GLG1: variants seen among roughly 807,000 people sequenced by gnomAD.
The protein encoded by GLG1 is Golgi apparatus protein 1.
A neutral mutation model predicts 160.5 loss-of-function variants in GLG1; 38 were observed. The ratio of observed to expected loss-of-function variants is 0.24; its 90% CI spans 0.18 to 0.31. GLG1 has a LOEUF of 0.31. Ranked by LOEUF, GLG1 falls within the 10% of genes least tolerant of loss-of-function variation. The pLI is 1.00. For missense variants in GLG1, 1,373 were observed against 1,505.2 expected, an observed-to-expected ratio of 0.91 and a Z score of 1.45; for synonymous variants, 644 against 543.4, an observed-to-expected ratio of 1.19 and a Z score of -2.57.
intron 1 of GLG1, among the ~76,000 whole-genome samples, chr16:74,545,475 G>A (rs1265026966): frequency 6.6e-6 from 1 of 152,128 alleles, no homozygotes; most frequent in African/African-American, 2.4e-5. Context: ...GCCACACCAT[G>A]CCTGACCCAC....
rs11421713 is a variant in GLG1, at chr16:74,473,437, C to CTTTT, written c.2053-1030_2053-1027dup. Among the ~76,000 whole-genome samples the CTTTT allele has an allele frequency of 1.9e-3, 211 of 110,972 alleles. 12 individuals are homozygous for CTTTT. Among genetic ancestry groups the CTTTT allele is most frequent in the Middle Eastern group, 0.013 (2 of 160 alleles). 72.8% of individuals were successfully genotyped at this position (110,972 alleles called of 152,430 possible). On this transcript the variant is annotated intron_variant, in intron 13 of 25. Transcript: ENST00000422840. ...CCATGTTGGCCAGGATGGTCTTGAC[C>CTTTT]TTTTTTTTTTTTTTTTTTGAGACAT...
chr16:74,530,135 C>G (rs1276213071), intron 2 of GLG1, among the ~76,000 whole-genome samples: 5 of 152,040 alleles, frequency 3.3e-5, no homozygotes, highest in Admixed American at 2.6e-4. Context: ...CACACATCAA[C>G]TTTTTTCTGG....
In GLG1 at chr16:74,452,362, C is replaced by A. The variant is rs2062395610; in HGVS notation, c.*805G>T. 7.4e-7 allele frequency: 1 copy of A among 1,356,378 alleles called. No individual in the cohort carries two copies. Among genetic ancestry groups the A allele is most frequent in the Middle Eastern group, 2.9e-4 (1 of 3,484 alleles). 84.0% of individuals were successfully genotyped at this position (1,356,378 alleles called of 1,614,324 possible). A position where few individuals can be genotyped will look rare whatever the true frequency, so the allele number is the denominator to read the frequency against. ...TGCTGCCCCGGGACTCAGGATCCAG[C>A]CTCTCAGTGCAGATGGATGGACTGT... On this transcript the variant is annotated 3_prime_UTR_variant, in exon 26 of 26. Coordinates refer to ENST00000422840, the MANE Select transcript of GLG1 (RefSeq NM_001145667.2).
intron 1 of GLG1, among the ~76,000 whole-genome samples, chr16:74,563,645 T>C (rs1358244955): frequency 6.7e-6 from 1 of 148,564 alleles, no homozygotes; most frequent in East Asian, 2.0e-4. Flanking sequence ...GAGAACTGCT[T>C]GAACCCAGGA....
At chr16:74,582,300 G>C (rs185236725) in intron 1 of GLG1, among the ~76,000 whole-genome samples, 20 of 152,018 alleles carry the variant, frequency 1.3e-4, no homozygotes, top group Admixed American at 1.3e-3. Context: ...CCAAGTAGCT[G>C]GGATTTTAGG....
rs2016492691 is a variant in GLG1 at position 74,503,569 on chromosome 16, T to C, written c.736A>G (p.Asn246Asp). Residue 246 changes from asparagine to aspartate, a missense_variant, in exon 4 of 26, where the codon AAC becomes GAC. Physicochemically the swap from Asn to Asp is conservative, Grantham distance 23. This residue lies in a region of GLG1 where 174 missense variants were observed against 229.9 expected (regional missense o/e 0.76). Transcript: ENST00000422840. ...GFMDDCKNDI[N>D]ILKCGSIRLG... ...CGAATACTGCCACATTTCAGAATGT[T>C]GATGTCATTTTTGCAGTCATCCATG... 1.2e-6 allele frequency: 2 copies of C among 1,613,678 alleles called. No homozygotes were observed. Among genetic ancestry groups the C allele is most frequent in the East Asian group, 2.2e-5 (1 of 44,868 alleles).
At chr16:74,561,162 G>A (rs938493650) in intron 1 of GLG1, among the ~76,000 whole-genome samples, 1 of 151,720 alleles carries the variant, frequency 6.6e-6, no homozygotes, top group South Asian at 2.1e-4. Flanking sequence ...CCTCCTGCTG[G>A]TGTCAGAGCT....
At chr16:74,487,486 G>C (rs1597255624) in intron 8 of GLG1, among the ~76,000 whole-genome samples, 1 of 152,142 alleles carries the variant, frequency 6.6e-6, no homozygotes, top group East Asian at 1.9e-4. Context: ...ATCCAGAAGA[G>C]AGAAACATGA....
intron 4 of GLG1, among the ~76,000 whole-genome samples, chr16:74,502,590 C>A (rs2016445572): frequency 6.6e-6 from 1 of 151,736 alleles, no homozygotes; most frequent in Non-Finnish European, 1.5e-5. Flanking sequence ...GTCTCCCAGG[C>A]TGGAGTGCAG....
intron 2 of GLG1, among the ~76,000 whole-genome samples, chr16:74,510,504 T>C (rs1243111356): frequency 1.3e-5 from 2 of 152,172 alleles, no homozygotes; most frequent in Non-Finnish European, 2.9e-5. Context: ...AATTGTTCAG[T>C]TGGTGAGATA....
intron 1 of GLG1, among the ~76,000 whole-genome samples, chr16:74,579,883 T>A (rs62051918): frequency 2.0e-5 from 3 of 151,092 alleles, no homozygotes; most frequent in Admixed American, 2.0e-4. Context: ...GCCAACATGG[T>A]GAAACCCCGT....
intron 4 of GLG1, among the ~76,000 whole-genome samples, chr16:74,497,980 C>A (rs1020960563): frequency 6.6e-6 from 1 of 152,216 alleles, no homozygotes; most frequent in East Asian, 1.9e-4. Flanking sequence ...TAATTGTACA[C>A]TTCATCATCC....
At chr16:74,572,283 G>A (rs938101229) in intron 1 of GLG1, among the ~76,000 whole-genome samples, 1 of 152,128 alleles carries the variant, frequency 6.6e-6, no homozygotes, top group Non-Finnish European at 1.5e-5. Flanking sequence ...GGCCGAAATG[G>A]GTGGATCACC....
intron 1 of GLG1, among the ~76,000 whole-genome samples, chr16:74,573,680 G>C (rs933876962): frequency 6.8e-6 from 1 of 147,738 alleles, no homozygotes; most frequent in African/African-American, 2.5e-5. Context: ...TGGGACTACA[G>C]TCGCACACTA....
chr16:74,573,811 T>C (rs1456439135), intron 1 of GLG1, among the ~76,000 whole-genome samples: 9 of 151,552 alleles, frequency 5.9e-5, no homozygotes, highest in Admixed American at 4.0e-4. Flanking sequence ...TTTTTTTTTT[T>C]TAAACGGGGT....
At chr16:74,552,919 T>A (rs59786691) in intron 1 of GLG1, among the ~76,000 whole-genome samples, 18 of 151,980 alleles carry the variant, frequency 1.2e-4, no homozygotes, top group East Asian at 1.9e-4. Flanking sequence ...TTACTTTTTT[T>A]AAAAAAAACT....
intron 2 of GLG1, among the ~76,000 whole-genome samples, chr16:74,514,466 C>T (rs1053400021): frequency 2.6e-5 from 4 of 152,128 alleles, no homozygotes; most frequent in Non-Finnish European, 5.9e-5. Context: ...ACAAGCAAGA[C>T]GAGAGTGGGG....
At chr16:74,528,323 A>AT (rs761018148) in intron 2 of GLG1, among the ~76,000 whole-genome samples, 3 of 151,608 alleles carry the variant, frequency 2.0e-5, no homozygotes, top group South Asian at 2.1e-4. Flanking sequence ...TTAAAGGGGT[A>AT]TTTTTTGCTG....
intron 1 of GLG1, among the ~76,000 whole-genome samples, chr16:74,597,479 G>A (rs1782636374): frequency 1.3e-5 from 2 of 150,898 alleles, no homozygotes; most frequent in Non-Finnish European, 3.0e-5. Context: ...TCCGGTGATA[G>A]ATGGTGGTGC....
Sources: allele counts gnomAD v4.1 joint callset (sites outside exome capture counted in the v4.1 genomes callset), GRCh38; gene constraint gnomAD v4.1.1; regional missense constraint gnomAD v4.1.1; transcripts MANE v1.5; gene names NCBI Gene and HGNC (gene_info 2026-07-23, HGNC 2026-07-21).